Variants in ZNF644 observed in about 807,000 individuals in gnomAD.
ZNF644 encodes zinc finger protein 644, also known as zinc finger motif enhancer binding protein 2.
In ZNF644, 20 loss-of-function variants were observed where a neutral mutation model predicts 108.0. The ratio of observed to expected loss-of-function variants is 0.19; its 90% confidence interval spans 0.13 to 0.27. ZNF644 has a LOEUF of 0.27. ZNF644 is among the 10% of genes least tolerant of loss of function. ZNF644 has a pLI of 1.00. For missense variants in ZNF644, 1,338 were observed against 1,548.9 expected (o/e 0.86, Z 2.29); for synonymous variants, 542 against 539.1 (o/e 1.01, Z -0.08).
chr1:90,939,620 T>A lies in ZNF644; in HGVS notation c.1734A>T (p.Gly578=). The A allele has an allele frequency of 6.2e-7, 1 of 1,614,024 alleles. No homozygotes were observed. Among genetic ancestry groups the A allele is most frequent in the Non-Finnish European group, 8.5e-7 (1 of 1,179,928 alleles). Residue 578 remains glycine (G), a synonymous_variant, in exon 3 of 6, where the codon GGA becomes GGT. Transcript: ENST00000337393. ...KKTFMKDSVV[G]SSKKSATYIC... ...TGTAGGTAGCTGATTTTTTGGATGA[T>A]CCTACTACAGAGTCTTTCATGAAAG... is the stretch of plus-strand genomic sequence containing the variant.
Position 90,997,237 on chromosome 1 carries a change from G to C in ZNF644, c.-17-14867C>G, listed in dbSNP as rs190448198. Among the ~76,000 whole-genome samples, 30 of 152,274 alleles carry C rather than the reference G, an allele frequency of 2.0e-4. 1 individual carries two copies. In the East Asian group the frequency reaches 5.2e-3, roughly 26 times the overall value. ...ACCTGAGGCTCTACACAAGCAGGAA[G>C]TAAAAAGTAAGGCAGAGTTGTAAAC... On this transcript the variant is annotated intron_variant, in intron 1 of 5. Transcript: ENST00000337393.
At chr1:90,974,385 C>T (rs761705310) in intron 2 of ZNF644, among the ~76,000 whole-genome samples, 13 of 152,176 alleles carry the variant, frequency 8.5e-5, no homozygotes, top group Non-Finnish European at 1.5e-4. Flanking sequence ...TCTCACATCT[C>T]GAGTTATAGA....
At chr1:90,946,431 T>C (rs958326332) in intron 2 of ZNF644, among the ~76,000 whole-genome samples, 4 of 152,090 alleles carry the variant, frequency 2.6e-5, no homozygotes, top group Admixed American at 6.5e-5. Context: ...GAGTTGAGGA[T>C]TGAATAAGAT....
intron 1 of ZNF644, among the ~76,000 whole-genome samples, chr1:90,990,781 G>A (rs1410144231): frequency 6.6e-6 from 1 of 152,190 alleles, no homozygotes; most frequent in Non-Finnish European, 1.5e-5. Context: ...AATAGTACCT[G>A]TTCTCTTAAG....
At chr1:90,987,478 A>G (rs906277511) in intron 1 of ZNF644, among the ~76,000 whole-genome samples, 1 of 152,082 alleles carries the variant, frequency 6.6e-6, no homozygotes, top group Non-Finnish European at 1.5e-5. Flanking sequence ...AAACGAGGAC[A>G]TGAAAAATAA....
intron 2 of ZNF644, among the ~76,000 whole-genome samples, chr1:90,980,621 C>T (rs1486003782): frequency 6.6e-6 from 1 of 152,044 alleles, no homozygotes; most frequent in Non-Finnish European, 1.5e-5. Flanking sequence ...TGGAATATTA[C>T]TAAAAATAAA....
intron 4 of ZNF644, among the ~76,000 whole-genome samples, chr1:90,923,399 T>C (rs544245921): frequency 2.6e-5 from 4 of 152,174 alleles, no homozygotes; most frequent in African/African-American, 9.6e-5. Context: ...CTCTACACAG[T>C]ATTAAAATTG....
intron 1 of ZNF644, chr1:91,021,627 G>A (rs977411863): frequency 2.9e-5 from 4 of 140,074 alleles, no homozygotes; most frequent in African/African-American, 1.1e-4. Flanking sequence ...CGACGCCGCA[G>A]CGGAAAGCCC....
chr1:91,014,736 C>G (rs1364222904), intron 1 of ZNF644, among the ~76,000 whole-genome samples: 7 of 150,886 alleles, frequency 4.6e-5, no homozygotes, highest in Non-Finnish European at 1.0e-4. Flanking sequence ...CAATACGACA[C>G]CACTTGAAAT....
chr1:90,989,048 G>C (rs1340694106), intron 1 of ZNF644, among the ~76,000 whole-genome samples: 2 of 152,114 alleles, frequency 1.3e-5, no homozygotes, highest in African/African-American at 4.8e-5. Flanking sequence ...AAAAACTTCT[G>C]TACATCAAAA....
intron 1 of ZNF644, among the ~76,000 whole-genome samples, chr1:91,009,519 C>A (rs918918635): frequency 6.6e-6 from 1 of 152,058 alleles, no homozygotes; most frequent in Non-Finnish European, 1.5e-5. Context: ...AATTTTAAAA[C>A]AAGTATCTAT....
intron 1 of ZNF644, chr1:91,021,066 A>G (rs1206463854): frequency 1.3e-5 from 2 of 152,250 alleles, no homozygotes; most frequent in East Asian, 3.8e-4. Context: ...AGTAACCTTT[A>G]GCTCCACCAC....
chr1:91,019,231 T>G (rs764127010), intron 1 of ZNF644, among the ~76,000 whole-genome samples: 17 of 152,226 alleles, frequency 1.1e-4, no homozygotes, highest in Non-Finnish European at 2.5e-4. Context: ...CTTAAAAAGT[T>G]GTTTTAAAGA....
At chr1:91,016,778 T>G (rs17131256) in intron 1 of ZNF644, among the ~76,000 whole-genome samples, 1,925 of 152,348 alleles carry the variant, frequency 0.013, 39 homozygotes, top group African/African-American at 0.044. Flanking sequence ...TAGGTATTTT[T>G]AATTTTCAGT....
intron 1 of ZNF644, among the ~76,000 whole-genome samples, chr1:91,006,285 G>C (rs1184906768): frequency 1.3e-5 from 2 of 152,160 alleles, no homozygotes; most frequent in Non-Finnish European, 2.9e-5. Flanking sequence ...AGCACCTGTA[G>C]TCCTAGCTAC....
intron 2 of ZNF644, among the ~76,000 whole-genome samples, chr1:90,967,964 G>C (rs889638340): frequency 1.3e-5 from 2 of 150,770 alleles, no homozygotes; most frequent in African/African-American, 4.9e-5. Flanking sequence ...GGGAGGCTGA[G>C]GCAGGAGAAT....
intron 2 of ZNF644, among the ~76,000 whole-genome samples, chr1:90,959,223 A>T (rs2101112696): frequency 6.6e-6 from 1 of 152,330 alleles, no homozygotes; most frequent in East Asian, 1.9e-4. Context: ...CATAACCATT[A>T]GAATAGCTTT....
At chr1:90,919,580 A>C (rs898815068) in intron 4 of ZNF644, among the ~76,000 whole-genome samples, 4 of 152,154 alleles carry the variant, frequency 2.6e-5, no homozygotes, top group Admixed American at 1.3e-4. Flanking sequence ...TCTAGGACAC[A>C]GTCTTTTTCT....
Position 90,917,004 on chromosome 1 carries a change from A to G in ZNF644, c.3792-14T>C. The G allele has an allele frequency of 6.2e-7, 1 of 1,613,884 alleles. No individual in the cohort carries two copies. Among genetic ancestry groups the G allele is most frequent in the South Asian group, 1.1e-5 (1 of 91,078 alleles). ...AGGCCACAAAACCTACAGAAAGATA[A>G]CAATTCTCTTAACATGACCAATTCT... On this transcript the variant is annotated splice_polypyrimidine_tract_variant and intron_variant, in intron 5 of 5. Coordinates refer to ENST00000337393, the MANE Select transcript of ZNF644 (RefSeq NM_201269.3).
Sources: allele counts gnomAD v4.1 joint callset (sites outside exome capture counted in the v4.1 genomes callset), GRCh38; gene constraint gnomAD v4.1.1; transcripts MANE v1.5; gene names NCBI Gene and HGNC (gene_info 2026-07-23, HGNC 2026-07-21).